Variants in C16orf95 observed in about 807,000 individuals in gnomAD.
C16orf95 encodes the protein chromosome 16 open reading frame 95, also known as uncharacterized protein C16orf95.
Under a neutral mutation model 32.1 loss-of-function variants are expected in C16orf95, and 41 were observed. That is an observed-to-expected ratio of 1.28 (90% CI 1.00 to 1.66). The LOEUF is 1.66. Among genes scored for constraint, C16orf95 ranks in the 40% most tolerant of loss-of-function variants. C16orf95 has a pLI of 0.00. For missense variants in C16orf95, 399 were observed against 325.9 expected (o/e 1.22, Z -1.73); for synonymous variants, 147 against 128.9 (o/e 1.14, Z -0.95).
chr16:87,316,140 A>T (rs1298514116), intron 1 of C16orf95, among the ~76,000 whole-genome samples: 3 of 152,230 alleles, frequency 2.0e-5, no homozygotes, highest in Non-Finnish European at 4.4e-5. Context: ...GAGCATTCCA[A>T]CCTGCTGAGA....
In C16orf95 at chr16:87,303,023, T is replaced by C. The variant is rs998903586; in HGVS notation, c.*34A>G. On this transcript the variant is annotated 3_prime_UTR_variant, in exon 7 of 7. Transcript: ENST00000567970. ...AGATCTTGATCGTGACACATTTTTG[T>C]GGCTGTTCTTGACAGTAGCTGAAGA... 2 of 1,535,154 alleles carry C rather than the reference T, an allele frequency of 1.3e-6. No individual in the cohort carries two copies. Among genetic ancestry groups the C allele is most frequent in the African/African-American group, 1.4e-5 (1 of 73,148 alleles).
chr16:87,304,919 G>A (rs746781840), intron 6 of C16orf95, among the ~76,000 whole-genome samples: 1 of 152,200 alleles, frequency 6.6e-6, no homozygotes, highest in Non-Finnish European at 1.5e-5. Flanking sequence ...AGGAGACAAC[G>A]AGCAAACAAG....
intron 1 of C16orf95, 127 bp from the exon 2 acceptor site, chr16:87,315,950 G>C: frequency 1.9e-6 from 1 of 525,058 alleles, no homozygotes; most frequent in Non-Finnish European, 3.2e-6. Flanking sequence ...GGTGGGGATG[G>C]GGGGATCCTC....
In C16orf95 at chr16:87,303,486, A is replaced by T. The variant is rs562618215; in HGVS notation, c.702-411T>A. The stretch of plus-strand genomic sequence containing the variant: ...CTCCAGGCCGGCAGACGGGCCGCCG[A>T]GGCTTCTCCTGAGATAAGCTGGGTT... On this transcript the variant is annotated intron_variant, in intron 6 of 6. Coordinates refer to ENST00000567970, the MANE Select transcript of C16orf95 (RefSeq NM_001195124.3). The T allele has an allele frequency of 1.6e-3, 292 of 182,840 alleles. 2 individuals carry two copies. The highest frequency in any genetic ancestry group is 6.3e-3 in the African/African-American group (275 of 43,352). 11.3% of individuals were successfully genotyped at this position (182,840 alleles called of 1,614,324 possible).
intron 3 of C16orf95, among the ~76,000 whole-genome samples, chr16:87,313,253 A>G (rs1364017798): frequency 6.6e-6 from 1 of 152,198 alleles, no homozygotes; most frequent in Non-Finnish European, 1.5e-5. Context: ...GAAAATGAAC[A>G]CTACTTGATT....
chr16:87,315,625 G>A (rs1904314901), intron 2 of C16orf95, 147 bp downstream of exon 2: 7 of 600,302 alleles, frequency 1.2e-5, no homozygotes, highest in Non-Finnish European at 1.9e-5. Flanking sequence ...GTGTTCTGGA[G>A]GCCCAGGGAT....
Position 87,317,183 on chromosome 16 carries a change from A to C in C16orf95, c.60T>G (p.Thr20=). 6.5e-7 allele frequency: 1 copy of C among 1,531,218 alleles called. No individual in the cohort carries two copies. Among genetic ancestry groups the C allele is most frequent in the East Asian group, 2.5e-5 (1 of 40,412 alleles). The allele number at this position is 1,531,218 out of a possible 1,614,324, so 94.9% of individuals were successfully genotyped here. Reference sequence around the variant, plus strand: ...CGGCAGCAGCGCCTGAGGCTGCTCCAGTGGCCTCATGATGATGGTGACAAC... The same window carrying C: ...CGGCAGCAGCGCCTGAGGCTGCTCCCGTGGCCTCATGATGATGGTGACAAC... The part of the protein sequence containing the change: ...PRRCHHHHEA[T]GAASGAAAGG... Residue 20 remains threonine, a synonymous_variant, in exon 1 of 7, where the codon ACT becomes ACG. Coordinates refer to ENST00000567970, the MANE Select transcript of C16orf95 (RefSeq NM_001195124.3).
At chr16:87,312,769 A>G (rs1911343505) in intron 3 of C16orf95, among the ~76,000 whole-genome samples, 1 of 152,148 alleles carries the variant, frequency 6.6e-6, no homozygotes, top group Non-Finnish European at 1.5e-5. Flanking sequence ...CAGATGACAC[A>G]ATCATCTACA....
Position 87,313,185 on chromosome 16 carries a change from A to G in C16orf95, c.330+1786T>C, listed in dbSNP as rs548119293. ...CTGACAAACTGATTCTAAAATTCACATGGAAATTAAAAAAAAAAAAAGAGA... is the reference window on the plus strand; with the variant it reads ...CTGACAAACTGATTCTAAAATTCACGTGGAAATTAAAAAAAAAAAAAGAGA... On this transcript the variant is annotated intron_variant, in intron 3 of 6. Transcript: ENST00000567970. Among the ~76,000 whole-genome samples the G allele has an allele frequency of 5.5e-5, 7 of 127,916 alleles. No homozygotes were observed. In the East Asian group the frequency reaches 1.5e-3, roughly 27 times the overall value. The allele number at this position is 127,916 out of a possible 152,430, so 83.9% of individuals were successfully genotyped here. A position where few individuals can be genotyped will look rare whatever the true frequency, so the allele number is the denominator to read the frequency against.
intron 3 of C16orf95, among the ~76,000 whole-genome samples, chr16:87,311,953 A>G (rs1247102044): frequency 6.6e-6 from 1 of 152,214 alleles, no homozygotes; most frequent in Non-Finnish European, 1.5e-5. Flanking sequence ...CTGACACGGA[A>G]TAAACTCTGA....
At chr16:87,311,568 C>G (rs1036463615) in intron 3 of C16orf95, among the ~76,000 whole-genome samples, 1 of 152,210 alleles carries the variant, frequency 6.6e-6, no homozygotes, top group African/African-American at 2.4e-5. Flanking sequence ...TGTGCCCTGG[C>G]GGAGCACACA....
At position 87,317,320 on chromosome 16, in the gene C16orf95, T is replaced by C. The variant is rs1904396804; in HGVS notation, c.-78A>G. 5 of 1,447,514 alleles carry C rather than the reference T, an allele frequency of 3.5e-6. No homozygotes were observed. The highest frequency in any genetic ancestry group is 4.6e-6 in the Non-Finnish European group (5 of 1,098,840). The allele number at this position is 1,447,514 out of a possible 1,614,324, so 89.7% of individuals were successfully genotyped here. The stretch of plus-strand genomic sequence containing the variant: ...TGACGCCCTGGCTCCCGCCTTTCCC[T>C]CCTGCCCCAGGAGGAACCCAACCCG... On this transcript the variant is annotated 5_prime_UTR_variant, in exon 1 of 7. Transcript: ENST00000567970.
At chr16:87,310,407 C>T in intron 4 of C16orf95, 74 bp from the exon 5 acceptor site, 2 of 1,448,258 alleles carry the variant, frequency 1.4e-6, no homozygotes, top group Non-Finnish European at 1.9e-6. Flanking sequence ...ATTGGGACTC[C>T]AAACCTCCAG....
chr16:87,310,292 G>T lies in C16orf95; in HGVS notation c.514+5C>A. The T allele has an allele frequency of 6.5e-7, 1 of 1,536,130 alleles. No individual in the cohort carries two copies. Among genetic ancestry groups the T allele is most frequent in the Non-Finnish European group, 8.7e-7 (1 of 1,146,896 alleles). Reference sequence around the variant, plus strand: ...TGATATGAGACACACACACACTGGAGTTACCTTGGATGCCTTTCAAACTCT... The same window carrying T: ...TGATATGAGACACACACACACTGGATTTACCTTGGATGCCTTTCAAACTCT... On this transcript the variant is annotated splice_donor_5th_base_variant and intron_variant, in intron 5 of 6. Transcript: ENST00000567970.
intron 2 of C16orf95, 117 bp downstream of exon 2, chr16:87,315,655 T>C: frequency 1.3e-5 from 10 of 786,214 alleles, no homozygotes; most frequent in South Asian, 2.2e-5. Context: ...AACCACACTT[T>C]TGTGTTTGGA....
chr16:87,317,338 C>A lies in C16orf95; in HGVS notation c.-96G>T. 2 of 1,433,120 alleles carry A rather than the reference C, an allele frequency of 1.4e-6. No individual in the cohort carries two copies. Among genetic ancestry groups the A allele is most frequent in the Non-Finnish European group, 1.8e-6 (2 of 1,093,864 alleles). 88.8% of individuals were successfully genotyped at this position (1,433,120 alleles called of 1,614,324 possible). A position where few individuals can be genotyped will look rare whatever the true frequency, so the allele number is the denominator to read the frequency against. ...CTTTCCCTCCTGCCCCAGGAGGAAC[C>A]CAACCCGAGCTCAACCCCAGCCCCA... On this transcript the variant is annotated 5_prime_UTR_variant, in exon 1 of 7. Transcript: ENST00000567970.
chr16:87,305,973 T>C lies in C16orf95; in HGVS notation c.515-68A>G. The C allele has an allele frequency of 2.4e-6, 3 of 1,239,560 alleles. No individual in the cohort carries two copies. The highest frequency in any genetic ancestry group is 3.1e-6 in the Non-Finnish European group (3 of 954,136). 76.8% of individuals were successfully genotyped at this position (1,239,560 alleles called of 1,614,324 possible). Reference sequence around the variant, plus strand: ...GGGACTCTGTGAGCCACGAGGAGGCTGCAACACCAGCCCCAGAGCCTCCGG... The same window carrying C: ...GGGACTCTGTGAGCCACGAGGAGGCCGCAACACCAGCCCCAGAGCCTCCGG... On this transcript the variant is annotated intron_variant, in intron 5 of 6. Transcript: ENST00000567970. The surrounding 1 kb of genome is among the most constrained non-coding windows in gnomAD (Gnocchi z 4.2).
intron 6 of C16orf95, 40 bp from the exon 7 acceptor site, chr16:87,303,115 A>C (rs974419095): frequency 2.6e-6 from 4 of 1,535,578 alleles, no homozygotes; most frequent in African/African-American, 2.7e-5. Context: ...ACCCGGCCCC[A>C]GGCTGAGACC....
chr16:87,315,761 G>T lies in C16orf95; in HGVS notation c.204+11C>A, dbSNP rs1043499799. On this transcript the variant is annotated intron_variant, in intron 2 of 6. Coordinates refer to ENST00000567970, the MANE Select transcript of C16orf95 (RefSeq NM_001195124.3). ...GGTCAGGGCCAGTGGCTGAGGATTT[G>T]CTTTCCTTACCGAATGACGGGGGAG... The T allele has an allele frequency of 1.3e-6, 2 of 1,526,508 alleles. No individual in the cohort carries two copies. The highest frequency in any genetic ancestry group is 1.2e-5 in the South Asian group (1 of 82,400). The allele number at this position is 1,526,508 out of a possible 1,614,324, so 94.6% of individuals were successfully genotyped here. A position where few individuals can be genotyped will look rare whatever the true frequency, so the allele number is the denominator to read the frequency against.
Sources: gnomAD v4.1 joint callset for allele counts (sites outside exome capture counted in the v4.1 genomes callset) on GRCh38, gnomAD v4.1.1 for gene constraint, Gnocchi (gnomAD v3.1) non-coding constraint, MANE v1.5 for transcripts, NCBI Gene and HGNC (gene_info 2026-07-23, HGNC 2026-07-21) for gene names.